GJB1: variants seen among roughly 807,000 people sequenced by gnomAD.
GJB1 encodes the protein gap junction protein beta 1, also known as gap junction beta-1 protein.
In GJB1, 1 loss-of-function variant was observed where a neutral mutation model predicts 12.0. The ratio of observed to expected loss-of-function variants is 0.08; its 90% CI spans 0.03 to 0.40. The LOEUF (loss-of-function observed/expected upper bound fraction) is 0.40, where lower values mean the gene tolerates loss of function less well. Ranked by LOEUF, GJB1 falls within the 10% of genes least tolerant of loss-of-function variation. The probability of loss-of-function intolerance (pLI) is 0.98; values close to 1 mark genes in which losing one functional copy is unlikely to be tolerated. For missense variants in GJB1, 140 were observed against 250.3 expected, an observed-to-expected ratio of 0.56 and a Z score of 2.97; for synonymous variants, 114 against 102.8, an observed-to-expected ratio of 1.11 and a Z score of -0.66.
upstream of GJB1, among the ~76,000 whole-genome samples, chrX:71,219,796 G>T (rs186193991): frequency 0.061 from 3,696 of 61,051 alleles, 85 homozygotes; most frequent in South Asian, 0.088. Flanking sequence ...AAAAAAAAAA[G>T]AATAACCTGG....
upstream of GJB1, among the ~76,000 whole-genome samples, chrX:71,219,598 C>T (rs1319933440): frequency 5.8e-5 from 6 of 103,275 alleles, no homozygotes; most frequent in African/African-American, 1.4e-4. Context: ...GGTGAAACCC[C>T]GTCTCTACTA....
upstream of GJB1, among the ~76,000 whole-genome samples, chrX:71,221,736 C>T (rs966027722): frequency 9.0e-6 from 1 of 111,308 alleles, no homozygotes; most frequent in Admixed American, 9.7e-5. Flanking sequence ...GGAGAATTTC[C>T]TCCCTAGAGC....
intron 1 of GJB1, among the ~76,000 whole-genome samples, chrX:71,217,139 T>C (rs747423898): frequency 3.2e-4 from 34 of 106,684 alleles, no homozygotes; most frequent in South Asian, 1.6e-3. Context: ...TGTGTGTGTG[T>C]GCGTGTGCCA....
At chrX:71,218,223 C>A (rs929718010) in intron 1 of GJB1, among the ~76,000 whole-genome samples, 1 of 110,061 alleles carries the variant, frequency 9.1e-6, no homozygotes, top group South Asian at 3.9e-4. Flanking sequence ...ACCCAGGAGG[C>A]GGAGGTTGCA....
chrX:71,222,335 G>GC (rs201228987), upstream of GJB1, among the ~76,000 whole-genome samples: 3,846 of 106,079 alleles, frequency 0.036, 70 homozygotes, highest in Non-Finnish European at 0.054. Context: ...TGCAACCTCT[G>GC]CCTCCTGGGT....
chrX:71,221,054 A>G (rs1027688069), upstream of GJB1, among the ~76,000 whole-genome samples: 3 of 107,332 alleles, frequency 2.8e-5, no homozygotes, highest in African/African-American at 3.4e-5. Context: ...ATGCCACTAC[A>G]CCCAGCTAAT....
chrX:71,216,613 TA>T (rs2092526216), intron 1 of GJB1, among the ~76,000 whole-genome samples: 1 of 108,347 alleles, frequency 9.2e-6, no homozygotes, highest in Non-Finnish European at 1.9e-5. Context: ...AGTAAGGGAG[TA>T]GCGTCCAAAC....
intron 1 of GJB1, among the ~76,000 whole-genome samples, chrX:71,215,734 C>T (rs780560976): frequency 9.0e-5 from 10 of 111,563 alleles, no homozygotes; most frequent in Admixed American, 6.7e-4. Context: ...CACGGGGCTG[C>T]GAGTGGATGA....
rs1299401078 is a variant in GJB1, at chrX:71,225,215, G to T, written c.*656G>T. 8.1e-6 allele frequency: 1 copy of T among 124,092 alleles called. No homozygotes were observed. Among genetic ancestry groups the T allele is most frequent in the Non-Finnish European group, 1.9e-5 (1 of 53,876 alleles). The allele number at this position is 124,092 out of a possible 1,213,427, so 10.2% of individuals were successfully genotyped here. On this transcript the variant is annotated 3_prime_UTR_variant, in exon 2 of 2. Coordinates refer to ENST00000361726, the MANE Select transcript of GJB1 (RefSeq NM_000166.6). ...TACAGTAAATGAAGAGGTGGCTTGT[G>T]TGTTTGTCAAGTTCTTTCTCCTGCA...
upstream of GJB1, among the ~76,000 whole-genome samples, chrX:71,219,705 C>T (rs1354057308): frequency 3.1e-4 from 24 of 77,995 alleles, no homozygotes; most frequent in African/African-American, 1.2e-3. Context: ...ACCTGGGAGG[C>T]GGAGCTTGCA....
At chrX:71,222,162 C>T (rs1409956039), upstream of GJB1, among the ~76,000 whole-genome samples, 1 of 110,516 alleles carries the variant, frequency 9.0e-6, no homozygotes, top group Non-Finnish European at 1.9e-5. Flanking sequence ...TAAAAAACAA[C>T]CCACAGCATT....
chrX:71,220,142 CTTT>C (rs41353351), upstream of GJB1, among the ~76,000 whole-genome samples: 167 of 52,798 alleles, frequency 3.2e-3, 2 homozygotes, highest in African/African-American at 8.4e-3. Flanking sequence ...TGTGCCTGGC[CTTT>C]TTTTTTTTTT....
upstream of GJB1, among the ~76,000 whole-genome samples, chrX:71,223,031 G>A (rs1313109008): frequency 9.0e-6 from 1 of 111,678 alleles, no homozygotes; most frequent in Non-Finnish European, 1.9e-5. Flanking sequence ...GGGCGGGTGC[G>A]GCGATGGACC....
upstream of GJB1, among the ~76,000 whole-genome samples, chrX:71,220,889 C>CTTTTTTTTTTTTTTTTTTTTT (rs1491472340): frequency 5.7e-5 from 3 of 52,745 alleles, no homozygotes; most frequent in African/African-American, 3.1e-4. Context: ...TTGTTTCTTT[C>CTTTTTTTTTTTTTTTTTTTTT]CTTTTTTTTT....
At position 71,224,722 on chromosome X, in the gene GJB1, G is replaced by C; in HGVS notation, c.*163G>C. 1 of 528,986 alleles carries C rather than the reference G, an allele frequency of 1.9e-6. No individual in the cohort carries two copies. The highest frequency in any genetic ancestry group is 3.6e-5 in the East Asian group (1 of 27,591). The allele number at this position is 528,986 out of a possible 1,213,427, so 43.6% of individuals were successfully genotyped here. On this transcript the variant is annotated 3_prime_UTR_variant, in exon 2 of 2. Coordinates refer to ENST00000361726, the MANE Select transcript of GJB1 (RefSeq NM_000166.6). ...CCTCCCGGGGCCTTCCTTTTGAGGA[G>C]CTGGAGGGGTGGGGAGCTAGAGGCC...
upstream of GJB1, among the ~76,000 whole-genome samples, chrX:71,221,323 T>TTTA (rs2092537606): frequency 1.0e-5 from 1 of 100,122 alleles, no homozygotes; most frequent in Non-Finnish European, 2.0e-5. Flanking sequence ...CACTAAGGCT[T>TTTA]TTTATTTATT....
upstream of GJB1, among the ~76,000 whole-genome samples, chrX:71,222,244 T>G (rs988710918): frequency 2.8e-4 from 31 of 110,208 alleles, no homozygotes; most frequent in Non-Finnish European, 4.9e-4. Flanking sequence ...TATCTTTTCC[T>G]GAGAAGATTT....
At chrX:71,221,068 T>G (rs2092537011), upstream of GJB1, among the ~76,000 whole-genome samples, 1 of 108,525 alleles carries the variant, frequency 9.2e-6, no homozygotes, top group Non-Finnish European at 1.9e-5. Flanking sequence ...AGCTAATTTT[T>G]GTAATTTTAG....
Position 71,223,851 on chromosome X carries a change from A to G in GJB1, c.144A>G (p.Lys48=), listed in dbSNP as rs1429274437. ...CAGAGAGTGTGTGGGGTGATGAGAAATCTTCCTTCATCTGCAACACACTCC... is the reference window on the plus strand; with the variant it reads ...CAGAGAGTGTGTGGGGTGATGAGAAGTCTTCCTTCATCTGCAACACACTCC... ...VAAESVWGDE[K]SSFICNTLQP... is the part of the protein sequence containing the mutation. The change falls in exon 2 of 2, where the codon AAA becomes AAG. Residue 48 remains lysine (K), a synonymous_variant. Transcript: ENST00000361726. The G allele has an allele frequency of 8.3e-7, 1 of 1,210,194 alleles. No individual in the cohort carries two copies. The highest frequency in any genetic ancestry group is 2.2e-5 in the Admixed American group (1 of 45,874).
Sources: allele counts gnomAD v4.1 joint callset (sites outside exome capture counted in the v4.1 genomes callset), GRCh38; gene constraint gnomAD v4.1.1; transcripts MANE v1.5; gene names NCBI Gene and HGNC (gene_info 2026-07-23, HGNC 2026-07-21).